The following RASSF8 variants were observed in gnomAD, a reference collection of about 807,000 sequenced individuals.
RASSF8 encodes ras association domain-containing protein 8.
Under a neutral mutation model 48.5 loss-of-function variants are expected in RASSF8, and 22 were observed. The ratio of observed to expected loss-of-function variants is 0.45; its 90% CI spans 0.32 to 0.65. RASSF8 has a LOEUF of 0.65. Among genes scored for constraint, RASSF8 ranks in the 30% least tolerant of loss-of-function variants. RASSF8 has a pLI of 0.03. For synonymous variants in RASSF8, 127 were observed against 171.5 expected (o/e 0.74, Z 2.03); for missense variants, 418 against 489.2 (o/e 0.85, Z 1.37).
intron 2 of RASSF8, among the ~76,000 whole-genome samples, chr12:26,044,857 T>A (rs572411734): frequency 2.5e-4 from 38 of 152,048 alleles, no homozygotes; most frequent in Middle Eastern, 3.4e-3. Flanking sequence ...ACACAGTATC[T>A]CTTTAAAGAG....
intron 2 of RASSF8, among the ~76,000 whole-genome samples, chr12:26,046,615 T>C (rs908022781): frequency 6.6e-6 from 1 of 151,088 alleles, no homozygotes; most frequent in Non-Finnish European, 1.5e-5. Flanking sequence ...GGTAGGAGAA[T>C]CACTTGAGAC....
intron 1 of RASSF8, among the ~76,000 whole-genome samples, chr12:25,993,094 G>A (rs1942053330): frequency 6.6e-6 from 1 of 152,132 alleles, no homozygotes; most frequent in Non-Finnish European, 1.5e-5. Flanking sequence ...GTCAAGCTTG[G>A]CATTTCCCAG....
chr12:26,064,706 G>C lies in RASSF8; in HGVS notation c.312G>C (p.Gln104His). 1 of 1,614,148 alleles carries C rather than the reference G, an allele frequency of 6.2e-7. No homozygotes were observed. The highest frequency in any genetic ancestry group is 1.3e-5 in the African/African-American group (1 of 75,038). Reference sequence around the variant, plus strand: ...TTCCTGAAAGAACTTTATACAGGCAGAGTCTGCCCCCCTTAGCTAAACTGA... The same window carrying C: ...TTCCTGAAAGAACTTTATACAGGCACAGTCTGCCCCCCTTAGCTAAACTGA... ...ARIPERTLYR[Q>H]SLPPLAKLRP... Residue 104 changes from glutamine (Q) to histidine (H), a missense_variant, in exon 4 of 6, where the codon CAG becomes CAC. Physicochemically the swap from Gln to His is conservative, Grantham distance 24. Coordinates refer to ENST00000689635, the MANE Select transcript of RASSF8 (RefSeq NM_001394098.1).
At chr12:26,017,722 A>T (rs1942684937) in intron 2 of RASSF8, among the ~76,000 whole-genome samples, 1 of 152,248 alleles carries the variant, frequency 6.6e-6, no homozygotes, top group Non-Finnish European at 1.5e-5. Context: ...CAGGACCTGC[A>T]GACTGGGGAA....
At chr12:26,016,701 A>G (rs1312172006) in intron 2 of RASSF8, among the ~76,000 whole-genome samples, 3 of 152,232 alleles carry the variant, frequency 2.0e-5, no homozygotes, top group Non-Finnish European at 4.4e-5. Flanking sequence ...GTTGGCAGTT[A>G]TCCACGTCAG....
At chr12:26,044,496 A>G (rs779350114) in intron 2 of RASSF8, among the ~76,000 whole-genome samples, 2 of 152,180 alleles carry the variant, frequency 1.3e-5, no homozygotes, top group Non-Finnish European at 2.9e-5. Flanking sequence ...TGTACCCTAC[A>G]GTTGAGCTGT....
Position 26,068,859 on chromosome 12 carries a change from AG to A in RASSF8, c.*43del. The A allele has an allele frequency of 6.5e-7, 1 of 1,530,318 alleles. No individual in the cohort carries two copies. The highest frequency in any genetic ancestry group is 8.7e-7 in the Non-Finnish European group (1 of 1,143,340). 94.8% of individuals were successfully genotyped at this position (1,530,318 alleles called of 1,614,324 possible). ...GGGAGGAGACCCAACAGAGGTACCA[AG>A]GACAGTAAACTTCCTTTTTGATTTG... On this transcript the variant is annotated 3_prime_UTR_variant, in exon 6 of 6. Transcript: ENST00000689635.
intron 2 of RASSF8, among the ~76,000 whole-genome samples, chr12:26,041,978 A>G (rs1275194869): frequency 6.6e-6 from 1 of 152,264 alleles, no homozygotes; most frequent in Non-Finnish European, 1.5e-5. Flanking sequence ...TGGCAGAATC[A>G]TACTGAGAGG....
chr12:25,997,481 G>GT (rs1258701827), intron 2 of RASSF8, among the ~76,000 whole-genome samples: 4 of 152,072 alleles, frequency 2.6e-5, no homozygotes, highest in African/African-American at 7.2e-5. Context: ...GTGTGTGAGT[G>GT]TATGTGTTTT....
At position 26,071,970 on chromosome 12, in the gene RASSF8, G is replaced by C; in HGVS notation, c.*3152G>C. On this transcript the variant is annotated 3_prime_UTR_variant, in exon 6 of 6. Transcript: ENST00000689635. ...GAGCAAAATGGTCTTCAGAGAAACA[G>C]ACTGTTCATTTGAAGCCATTTCTGT... 1 of 985,384 alleles carries C rather than the reference G, an allele frequency of 1.0e-6. No homozygotes were observed. Among genetic ancestry groups the C allele is most frequent in the Non-Finnish European group, 1.2e-6 (1 of 829,888 alleles). The allele number at this position is 985,384 out of a possible 1,614,324, so 61.0% of individuals were successfully genotyped here.
chr12:26,029,801 A>G (rs1213335898), intron 2 of RASSF8, among the ~76,000 whole-genome samples: 1 of 152,170 alleles, frequency 6.6e-6, no homozygotes, highest in African/African-American at 2.4e-5. Flanking sequence ...ATCAATCTCA[A>G]ACTATGACGT....
chr12:26,060,854 T>C (rs1023116815), intron 3 of RASSF8, among the ~76,000 whole-genome samples: 3 of 152,228 alleles, frequency 2.0e-5, no homozygotes, highest in Non-Finnish European at 4.4e-5. Context: ...TTCTCATATG[T>C]CCAGAAACCT....
downstream of RASSF8, among the ~76,000 whole-genome samples, chr12:26,073,972 A>T (rs1298640175): frequency 2.0e-5 from 3 of 150,846 alleles, no homozygotes; most frequent in Non-Finnish European, 4.4e-5. Flanking sequence ...AGAGAGAGAG[A>T]GAGTCTCACT....
chr12:25,987,012 C>A (rs925576213), intron 1 of RASSF8, among the ~76,000 whole-genome samples: 1 of 150,894 alleles, frequency 6.6e-6, no homozygotes, highest in East Asian at 1.9e-4. Context: ...CTCAGCTCAC[C>A]GCAACCTCGC....
chr12:26,034,293 G>A (rs570290654), intron 2 of RASSF8, among the ~76,000 whole-genome samples: 2 of 152,114 alleles, frequency 1.3e-5, no homozygotes, highest in South Asian at 2.1e-4. Flanking sequence ...GGACAAAATA[G>A]CCCTATGGTC....
intron 2 of RASSF8, among the ~76,000 whole-genome samples, chr12:25,996,591 AAG>A (rs1211537868): frequency 1.3e-5 from 2 of 152,172 alleles, no homozygotes; most frequent in Non-Finnish European, 2.9e-5. Context: ...ATTGCTGCTG[AAG>A]AGTTTTCATT....
At chr12:26,079,756 G>A (rs1208704991) in exon 6 of RASSF8, 1 of 152,124 alleles carries the variant, frequency 6.6e-6, no homozygotes, top group Non-Finnish European at 1.5e-5. Context: ...AAAAAGATAA[G>A]AGATAGCAAG....
intron 1 of RASSF8, among the ~76,000 whole-genome samples, chr12:25,979,933 A>G (rs1317825315): frequency 1.3e-5 from 2 of 152,184 alleles, no homozygotes; most frequent in African/African-American, 4.8e-5. Flanking sequence ...GGCAGCTGCC[A>G]GCTTTTACTG....
intron 1 of RASSF8, among the ~76,000 whole-genome samples, chr12:25,964,086 G>T (rs528512967): frequency 1.8e-4 from 27 of 152,274 alleles, no homozygotes; most frequent in Non-Finnish European, 3.1e-4. Context: ...CAGGACATTC[G>T]CATCACGAGT....
Sources: gnomAD v4.1 joint callset for allele counts (sites outside exome capture counted in the v4.1 genomes callset) on GRCh38, gnomAD v4.1.1 for gene constraint, MANE v1.5 for transcripts, NCBI Gene and HGNC (gene_info 2026-07-23, HGNC 2026-07-21) for gene names.